RAPGEF6: variants seen among roughly 807,000 people sequenced by gnomAD.
The protein encoded by RAPGEF6 is PDZ domain containing guanine nucleotide exchange factor (GEF) 2.
In RAPGEF6, 56 loss-of-function variants were observed where a neutral mutation model predicts 171.4. That is an observed-to-expected ratio of 0.33 (90% CI 0.26 to 0.41). The LOEUF is 0.41. Among genes scored for constraint, RAPGEF6 ranks in the 10% least tolerant of loss-of-function variants. The pLI is 1.00. For synonymous variants in RAPGEF6, 692 were observed against 650.1 expected (o/e 1.06, Z -0.98); for missense variants, 1,674 against 1,921.4 (o/e 0.87, Z 2.41).
At position 131,424,548 on chromosome 5, in the gene RAPGEF6, T is replaced by C. The variant is rs1199677616; in HGVS notation, c.*2718A>G. 1 of 152,342 alleles carries C rather than the reference T, an allele frequency of 6.6e-6. No individual in the cohort carries two copies. The highest frequency in any genetic ancestry group is 6.5e-5 in the Admixed American group (1 of 15,282). The allele number at this position is 152,342 out of a possible 1,614,324, so 9.4% of individuals were successfully genotyped here. A position where few individuals can be genotyped will look rare whatever the true frequency, so the allele number is the denominator to read the frequency against. ...TTAGATTTGTTCTTAAAAACACCCA[T>C]GATTACCATCACATTTTCAGCCTGG... On this transcript the variant is annotated 3_prime_UTR_variant, in exon 28 of 28. Coordinates refer to ENST00000509018, the MANE Select transcript of RAPGEF6 (RefSeq NM_016340.6).
chr5:131,451,604 C>A (rs1054886570), intron 21 of RAPGEF6, among the ~76,000 whole-genome samples: 2 of 151,830 alleles, frequency 1.3e-5, no homozygotes, highest in Non-Finnish European at 2.9e-5. Flanking sequence ...AAACAAAGAT[C>A]CCTAAACAAC....
chr5:131,479,262 G>A (rs2149855980), intron 16 of RAPGEF6, among the ~76,000 whole-genome samples: 1 of 151,786 alleles, frequency 6.6e-6, no homozygotes, highest in Non-Finnish European at 1.5e-5. Context: ...ATTTAAAAAT[G>A]GATTTCATAA....
chr5:131,458,593 T>C (rs942334741), intron 19 of RAPGEF6, among the ~76,000 whole-genome samples: 7 of 152,234 alleles, frequency 4.6e-5, no homozygotes, highest in Non-Finnish European at 8.8e-5. Flanking sequence ...TACAAAGCTA[T>C]CAAATGTCCA....
intron 12 of RAPGEF6, 109 bp from the exon 13 acceptor site, chr5:131,495,769 T>C (rs943139163): frequency 6.3e-6 from 9 of 1,422,688 alleles, no homozygotes; most frequent in Non-Finnish European, 8.4e-6. Context: ...ACCCTCTTGT[T>C]CCCTCCCTTG....
At chr5:131,584,734 C>T (rs528038641) in intron 4 of RAPGEF6, among the ~76,000 whole-genome samples, 6 of 152,324 alleles carry the variant, frequency 3.9e-5, no homozygotes, top group African/African-American at 9.6e-5. Flanking sequence ...CTAACCAGTC[C>T]TGTGGCTTCA....
In RAPGEF6 at chr5:131,431,268, A is replaced by G; in HGVS notation, c.4056T>C (p.His1352=). Reference sequence around the variant, plus strand: ...CACTGTCAGCTGCTTCTATAATGATATGCTCTTGAGAAATCTCTTCATTGC... The same window carrying G: ...CACTGTCAGCTGCTTCTATAATGATGTGCTCTTGAGAAATCTCTTCATTGC... ...SVSNEEISQE[H]IIIEAADSGR... Residue 1352 remains histidine (H), a synonymous_variant, in exon 26 of 28, where the codon CAT becomes CAC. Transcript: ENST00000509018. 1 of 1,614,224 alleles carries G rather than the reference A, an allele frequency of 6.2e-7. No individual in the cohort carries two copies.
chr5:131,528,340 C>T (rs1468256), intron 6 of RAPGEF6, among the ~76,000 whole-genome samples: 75,642 of 102,966 alleles, frequency 0.73, 27,271 homozygotes, highest in Middle Eastern at 0.82. Context: ...TATATATATA[C>T]ACACACACAC....
At chr5:131,445,336 C>T (rs1267544998) in intron 22 of RAPGEF6, among the ~76,000 whole-genome samples, 1 of 152,198 alleles carries the variant, frequency 6.6e-6, no homozygotes, top group African/African-American at 2.4e-5. Flanking sequence ...TTCCTGTTTT[C>T]TATTCTTTCT....
chr5:131,588,992 C>T (rs1463463615), intron 4 of RAPGEF6, among the ~76,000 whole-genome samples: 1 of 151,926 alleles, frequency 6.6e-6, no homozygotes, highest in Non-Finnish European at 1.5e-5. Flanking sequence ...ATTGCCAGAA[C>T]CCGGGAGGCA....
At chr5:131,580,142 C>T (rs1331220231) in intron 4 of RAPGEF6, among the ~76,000 whole-genome samples, 3 of 152,018 alleles carry the variant, frequency 2.0e-5, no homozygotes, top group Non-Finnish European at 4.4e-5. Context: ...GGGGGGGGCT[C>T]GGGCATGGCG....
intron 3 of RAPGEF6, among the ~76,000 whole-genome samples, chr5:131,599,583 G>C (rs1025321785): frequency 2.6e-5 from 4 of 152,108 alleles, no homozygotes; most frequent in Non-Finnish European, 5.9e-5. Context: ...GAAAAAGATA[G>C]TTTTTCAATA....
intron 4 of RAPGEF6, among the ~76,000 whole-genome samples, chr5:131,563,847 C>T (rs748439352): frequency 1.2e-4 from 18 of 152,080 alleles, no homozygotes; most frequent in Admixed American, 3.9e-4. Context: ...TCTTTTGTTT[C>T]CCCCAAATTC....
rs534661239 is a variant in RAPGEF6, at chr5:131,630,161, A to G, written c.69+4801T>C. ...TTAAGAAACTGTCACAGCCACCCCAATCTTCGGCAACTACCACCCTGATTG... is the reference window on the plus strand; with the variant it reads ...TTAAGAAACTGTCACAGCCACCCCAGTCTTCGGCAACTACCACCCTGATTG... On this transcript the variant is annotated intron_variant, in intron 1 of 27. Transcript: ENST00000509018. Among the ~76,000 whole-genome samples, 8 of 152,314 alleles carry G rather than the reference A, an allele frequency of 5.3e-5. No individual in the cohort carries two copies. The East Asian group carries it at 1.2e-3, about 22-fold the overall frequency.
chr5:131,558,726 C>T lies in RAPGEF6; in HGVS notation c.351+3252G>A, dbSNP rs1761400773. ...TTTGACAAGCGATTTAGAGCATACGCCTGAATTTCAGAAGTTGTATTTTTT... is the reference window on the plus strand; with the variant it reads ...TTTGACAAGCGATTTAGAGCATACGTCTGAATTTCAGAAGTTGTATTTTTT... On this transcript the variant is annotated intron_variant, in intron 5 of 27. Coordinates refer to ENST00000509018, the MANE Select transcript of RAPGEF6 (RefSeq NM_016340.6). 3.3e-5 allele frequency among the ~76,000 whole-genome samples: 5 copies of T among 151,872 alleles called. No individual in the cohort carries two copies. The South Asian group carries it at 1.0e-3, about 32-fold the overall frequency.
At chr5:131,575,829 C>T (rs1477149920) in intron 4 of RAPGEF6, among the ~76,000 whole-genome samples, 1 of 152,136 alleles carries the variant, frequency 6.6e-6, no homozygotes, top group Non-Finnish European at 1.5e-5. Flanking sequence ...GACCTGTAGT[C>T]TTCCTATCCA....
At chr5:131,555,742 G>A (rs1198208092) in intron 5 of RAPGEF6, among the ~76,000 whole-genome samples, 1 of 120,114 alleles carries the variant, frequency 8.3e-6, no homozygotes, top group Non-Finnish European at 1.8e-5. Context: ...ATAGATTTAT[G>A]TATATGTGTT....
intron 4 of RAPGEF6, among the ~76,000 whole-genome samples, chr5:131,575,990 C>T (rs1762582961): frequency 6.6e-6 from 1 of 152,152 alleles, no homozygotes; most frequent in African/African-American, 2.4e-5. Flanking sequence ...TTTTTCTCCT[C>T]ACACTTGAAG....
intron 11 of RAPGEF6, among the ~76,000 whole-genome samples, chr5:131,500,986 G>T (rs537411355): frequency 5.9e-5 from 9 of 152,102 alleles, no homozygotes; most frequent in African/African-American, 1.9e-4. Flanking sequence ...AGGTGCGGTG[G>T]CTCACACCTG....
chr5:131,474,607 A>G (rs1425585458), intron 16 of RAPGEF6, among the ~76,000 whole-genome samples: 1 of 152,212 alleles, frequency 6.6e-6, no homozygotes, highest in East Asian at 1.9e-4. Flanking sequence ...AATTTGACAG[A>G]TAAAGCAAAG....
Sources: allele counts gnomAD v4.1 joint callset (sites outside exome capture counted in the v4.1 genomes callset), GRCh38; gene constraint gnomAD v4.1.1; transcripts MANE v1.5; gene names NCBI Gene and HGNC (gene_info 2026-07-23, HGNC 2026-07-21).